PIK3C2G: variants seen among roughly 807,000 people sequenced by gnomAD.
PIK3C2G encodes phosphatidylinositol 3-kinase C2 domain-containing subunit gamma.
In PIK3C2G, 168 loss-of-function variants were observed where a neutral mutation model predicts 181.1. The observed-to-expected ratio is 0.93, with a 90% CI of 0.82 to 1.05. PIK3C2G has a LOEUF of 1.05. PIK3C2G is among the 50% of genes least tolerant of loss of function. The probability of loss-of-function intolerance (pLI) is 0.00; values close to 1 mark genes in which losing one functional copy is unlikely to be tolerated. For synonymous variants in PIK3C2G, 573 were observed against 592.2 expected (o/e 0.97, Z 0.47); for missense variants, 1,869 against 1,732.8 (o/e 1.08, Z -1.40).
the PIK3C2G span, among the ~76,000 whole-genome samples, chr12:18,703,481 T>C: frequency 6.6e-6 from 1 of 152,232 alleles, no homozygotes; most frequent in African/African-American, 2.4e-5. Context: ...TGCATGACCA[T>C]TGCTTTCTGA....
the PIK3C2G span, among the ~76,000 whole-genome samples, chr12:18,718,449 C>A: frequency 6.6e-6 from 1 of 152,150 alleles, no homozygotes; most frequent in African/African-American, 2.4e-5. Context: ...CCATGCTCTA[C>A]AAGATCCTCA....
chr12:18,687,275 A>G, the PIK3C2G span, among the ~76,000 whole-genome samples: 141 of 152,250 alleles, frequency 9.3e-4, no homozygotes, highest in Admixed American at 1.6e-3. Context: ...TTATCCAAGA[A>G]GAAAAAGAAA....
chr12:18,316,194 G>A (rs1159969672), intron 6 of PIK3C2G, among the ~76,000 whole-genome samples: 2 of 152,098 alleles, frequency 1.3e-5, no homozygotes, highest in Non-Finnish European at 2.9e-5. Flanking sequence ...TAGTAAATAA[G>A]GGTGATGAGA....
chr12:18,627,438 G>A (rs1333527460), intron 31 of PIK3C2G, among the ~76,000 whole-genome samples: 1 of 152,048 alleles, frequency 6.6e-6, no homozygotes, highest in African/African-American at 2.4e-5. Flanking sequence ...GATTCCTTGA[G>A]TTTTTGTAAA....
At chr12:18,574,021 T>A (rs1432878761) in intron 29 of PIK3C2G, among the ~76,000 whole-genome samples, 2 of 152,190 alleles carry the variant, frequency 1.3e-5, no homozygotes, top group Non-Finnish European at 2.9e-5. Flanking sequence ...ACTCTATATA[T>A]GCACAGAACA....
intron 1 of PIK3C2G, among the ~76,000 whole-genome samples, chr12:18,280,464 A>G (rs1949164151): frequency 6.6e-6 from 1 of 152,040 alleles, no homozygotes; most frequent in African/African-American, 2.4e-5. Context: ...CAAGGCAAGA[A>G]GTAGGATGAG....
At chr12:18,524,258 T>A (rs143324415) in intron 24 of PIK3C2G, among the ~76,000 whole-genome samples, 222 of 152,336 alleles carry the variant, frequency 1.5e-3, no homozygotes, top group African/African-American at 5.2e-3. Context: ...TGGATGATGC[T>A]GTGCTAGCTT....
the PIK3C2G span, among the ~76,000 whole-genome samples, chr12:18,720,708 G>C: frequency 6.6e-6 from 1 of 152,124 alleles, no homozygotes; most frequent in East Asian, 1.9e-4. Flanking sequence ...ATCTTTGGCA[G>C]AGAATTTTAT....
intron 30 of PIK3C2G, among the ~76,000 whole-genome samples, chr12:18,598,254 C>A (rs1293803180): frequency 6.6e-6 from 1 of 151,780 alleles, no homozygotes; most frequent in Non-Finnish European, 1.5e-5. Context: ...AACTATACTA[C>A]AAGGCTACAG....
At chr12:18,277,300 T>G (rs945602210) in intron 1 of PIK3C2G, among the ~76,000 whole-genome samples, 1 of 152,042 alleles carries the variant, frequency 6.6e-6, no homozygotes, top group Non-Finnish European at 1.5e-5. Context: ...GCTCAGCAAG[T>G]GAGGAGATAC....
the PIK3C2G span, chr12:18,723,520 C>T: frequency 6.2e-7 from 1 of 1,612,314 alleles, no homozygotes. Context: ...GGTGATTCTT[C>T]CTTGTTTCAG....
At chr12:18,683,447 T>C in the PIK3C2G span, 2 of 1,433,878 alleles carry the variant, frequency 1.4e-6, no homozygotes, top group South Asian at 1.2e-5. Flanking sequence ...TATAGAGTTA[T>C]ATTCCCATCT....
intron 14 of PIK3C2G, among the ~76,000 whole-genome samples, chr12:18,389,674 A>C (rs1943415526): frequency 6.6e-6 from 1 of 152,236 alleles, no homozygotes; most frequent in African/African-American, 2.4e-5. Context: ...AAAGGCAACT[A>C]GGAAAAATTC....
At chr12:18,344,342 A>C (rs1939444592) in intron 10 of PIK3C2G, among the ~76,000 whole-genome samples, 1 of 152,096 alleles carries the variant, frequency 6.6e-6, no homozygotes, top group African/African-American at 2.4e-5. Context: ...GAAGACACTC[A>C]ATTAAGTTTG....
intron 18 of PIK3C2G, among the ~76,000 whole-genome samples, chr12:18,456,215 G>A (rs1244532067): frequency 4.6e-5 from 7 of 152,124 alleles, no homozygotes; most frequent in African/African-American, 7.2e-5. Context: ...AAGCAACATC[G>A]TTTGTCTGGG....
At chr12:18,453,609 C>T (rs1947478375) in intron 18 of PIK3C2G, among the ~76,000 whole-genome samples, 2 of 152,032 alleles carry the variant, frequency 1.3e-5, no homozygotes, top group South Asian at 4.2e-4. Context: ...ACACTCATAT[C>T]TTGAGGTTAC....
the PIK3C2G span, among the ~76,000 whole-genome samples, chr12:18,657,621 A>G: frequency 0.012 from 1,834 of 152,322 alleles, 29 homozygotes; most frequent in African/African-American, 0.042. Flanking sequence ...TCTAGATACA[A>G]CAATGAATAC....
chr12:18,657,655 G>A, the PIK3C2G span, among the ~76,000 whole-genome samples: 2 of 152,136 alleles, frequency 1.3e-5, no homozygotes, highest in East Asian at 3.9e-4. Flanking sequence ...TCAGTTCAGA[G>A]AAGGCACTAA....
At chr12:18,709,893 T>C in the PIK3C2G span, among the ~76,000 whole-genome samples, 2 of 152,138 alleles carry the variant, frequency 1.3e-5, no homozygotes, top group African/African-American at 4.8e-5. Context: ...GTTAAATTTA[T>C]TCCTAGATAT....
Sources: gnomAD v4.1 joint callset for allele counts (sites outside exome capture counted in the v4.1 genomes callset) on GRCh38, gnomAD v4.1.1 for gene constraint, MANE v1.5 for transcripts, NCBI Gene and HGNC (gene_info 2026-07-23, HGNC 2026-07-21) for gene names.